The following SLC8A3 variants were observed in gnomAD, a reference collection of about 807,000 sequenced individuals.
The protein encoded by SLC8A3 is solute carrier family 8 member A3.
SLC8A3 carries 37 observed loss-of-function variants against 65.4 expected under a neutral mutation model. That is an observed-to-expected ratio of 0.57 (90% CI 0.44 to 0.74). The LOEUF is 0.74. SLC8A3 is among the 30% of genes least tolerant of loss of function. The pLI is 0.00. For synonymous variants in SLC8A3, 461 were observed against 444.5 expected, an observed-to-expected ratio of 1.04 and a Z score of -0.47; for missense variants, 1,112 against 1,172.1, an observed-to-expected ratio of 0.95 and a Z score of 0.75.
chr14:70,088,322 T>C (rs1040412185), intron 2 of SLC8A3, among the ~76,000 whole-genome samples: 2 of 152,214 alleles, frequency 1.3e-5, no homozygotes, highest in African/African-American at 4.8e-5. Context: ...GTAGGTTTTC[T>C]GGGGAAGCCA....
At chr14:70,126,400 C>T (rs900246112) in intron 2 of SLC8A3, among the ~76,000 whole-genome samples, 2 of 152,090 alleles carry the variant, frequency 1.3e-5, no homozygotes, top group Admixed American at 6.5e-5. Flanking sequence ...TAAGATTCCT[C>T]CTACATAGAG....
intron 2 of SLC8A3, among the ~76,000 whole-genome samples, chr14:70,141,955 T>A (rs527626928): frequency 6.6e-6 from 1 of 152,226 alleles, no homozygotes; most frequent in Non-Finnish European, 1.5e-5. Context: ...GGTCTGTAGG[T>A]CCACCCCAGT....
intron 2 of SLC8A3, among the ~76,000 whole-genome samples, chr14:70,106,292 A>C (rs554529561): frequency 6.6e-6 from 1 of 152,236 alleles, no homozygotes; most frequent in East Asian, 1.9e-4. Flanking sequence ...AATAAAATTT[A>C]TTTTGCAACC....
At chr14:70,067,435 C>G (rs1024395703) in intron 2 of SLC8A3, among the ~76,000 whole-genome samples, 3 of 152,172 alleles carry the variant, frequency 2.0e-5, no homozygotes, top group Non-Finnish European at 1.5e-5. Context: ...AAGGACTAAC[C>G]AGACCCCACC....
At chr14:70,090,331 A>G (rs987081173) in intron 2 of SLC8A3, among the ~76,000 whole-genome samples, 1 of 152,180 alleles carries the variant, frequency 6.6e-6, no homozygotes, top group Non-Finnish European at 1.5e-5. Flanking sequence ...CCAAGTGAAT[A>G]ATTATCAGTA....
chr14:70,101,871 G>C (rs1892573432), intron 2 of SLC8A3, among the ~76,000 whole-genome samples: 1 of 152,194 alleles, frequency 6.6e-6, no homozygotes, highest in Admixed American at 6.5e-5. Flanking sequence ...CCCACAGAAA[G>C]TGACAGTTTA....
intron 2 of SLC8A3, among the ~76,000 whole-genome samples, chr14:70,132,661 A>T (rs546709618): frequency 5.0e-4 from 76 of 152,282 alleles, no homozygotes; most frequent in Non-Finnish European, 8.1e-4. Context: ...TGAGGTCATG[A>T]TCCTGGCAAT....
At chr14:70,063,579 G>A (rs759799444) in intron 2 of SLC8A3, among the ~76,000 whole-genome samples, 6 of 152,156 alleles carry the variant, frequency 3.9e-5, no homozygotes, top group Non-Finnish European at 8.8e-5. Context: ...CATCGGTCTT[G>A]AGCATCCCTC....
At chr14:70,120,048 C>T (rs573466903) in intron 2 of SLC8A3, among the ~76,000 whole-genome samples, 2 of 152,266 alleles carry the variant, frequency 1.3e-5, no homozygotes, top group East Asian at 1.9e-4. Context: ...TGCCAAACCT[C>T]CCCCCTCTAT....
chr14:70,063,734 AGAG>A (rs1889078818), intron 2 of SLC8A3: 4 of 730,252 alleles, frequency 5.5e-6, no homozygotes, highest in Non-Finnish European at 9.7e-6. Context: ...GTGGAAGACA[AGAG>A]GAGGAGGAGA....
chr14:70,186,210 G>T (rs1883203660), intron 1 of SLC8A3, among the ~76,000 whole-genome samples: 1 of 152,118 alleles, frequency 6.6e-6, no homozygotes, highest in Non-Finnish European at 1.5e-5. Flanking sequence ...CTGCCGCCAT[G>T]TGAAGAAGGA....
At chr14:70,093,809 G>A (rs1389486156) in intron 2 of SLC8A3, among the ~76,000 whole-genome samples, 2 of 152,244 alleles carry the variant, frequency 1.3e-5, no homozygotes, top group African/African-American at 2.4e-5. Flanking sequence ...TCAGTATTTG[G>A]TCATGAAAAT....
intron 2 of SLC8A3, among the ~76,000 whole-genome samples, chr14:70,095,028 T>A (rs1892067696): frequency 6.6e-6 from 1 of 152,190 alleles, no homozygotes; most frequent in South Asian, 2.1e-4. Context: ...CTGCTTACCC[T>A]CTGAGCCTCC....
intron 2 of SLC8A3, among the ~76,000 whole-genome samples, chr14:70,089,230 G>C (rs1374855656): frequency 5.9e-5 from 9 of 152,158 alleles, no homozygotes; most frequent in Admixed American, 3.9e-4. Context: ...TCTCTGAGAT[G>C]CTTTTCCCAA....
At chr14:70,187,339 G>GAGAA (rs766434966) in intron 1 of SLC8A3, 4,712 of 168,994 alleles carry the variant, frequency 0.028, 91 homozygotes, top group African/African-American at 0.041. Context: ...GGGGGAGAGA[G>GAGAA]AGAGAGAGAG....
At chr14:70,118,905 A>G (rs1376283918) in intron 2 of SLC8A3, among the ~76,000 whole-genome samples, 2 of 152,192 alleles carry the variant, frequency 1.3e-5, no homozygotes, top group African/African-American at 4.8e-5. Flanking sequence ...AAGTCATTCA[A>G]GGATTGTTCT....
At chr14:70,053,865 T>C (rs539948511) in intron 3 of SLC8A3, among the ~76,000 whole-genome samples, 44 of 152,374 alleles carry the variant, frequency 2.9e-4, no homozygotes, top group African/African-American at 1.0e-3. Flanking sequence ...GTTTCTAGTT[T>C]CTCGGTTTGG....
chr14:70,080,318 G>A (rs571089790), intron 2 of SLC8A3: 42 of 790,132 alleles, frequency 5.3e-5, no homozygotes, highest in East Asian at 1.3e-4. Context: ...GGAGCTCAGC[G>A]GTGAGGATCG....
chr14:70,056,508 T>C (rs190747644), intron 3 of SLC8A3, among the ~76,000 whole-genome samples: 1 of 152,356 alleles, frequency 6.6e-6, no homozygotes, highest in East Asian at 1.9e-4. Context: ...TGGTTTGTCT[T>C]TACCGTAGAT....
Sources: allele counts gnomAD v4.1 joint callset (sites outside exome capture counted in the v4.1 genomes callset), GRCh38; gene constraint gnomAD v4.1.1; transcripts MANE v1.5; gene names NCBI Gene and HGNC (gene_info 2026-07-23, HGNC 2026-07-21).